LRR1: variants seen among roughly 807,000 people sequenced by gnomAD.
LRR1 encodes the protein leucine-rich repeat protein 1.
Under a neutral mutation model 31.6 loss-of-function variants are expected in LRR1, and 29 were observed. The ratio of observed to expected loss-of-function variants is 0.92; its 90% CI spans 0.68 to 1.25. The LOEUF is 1.25. Ranked by LOEUF, LRR1 falls within the 50% of genes most tolerant of loss-of-function variation. The pLI is 0.00. For missense variants in LRR1, 485 were observed against 487.2 expected, an observed-to-expected ratio of 1.00 and a Z score of 0.04; for synonymous variants, 179 against 181.4, an observed-to-expected ratio of 0.99 and a Z score of 0.10.
chr14:49,612,393 A>G (rs1566497947), intron 3 of LRR1: 5 of 1,029,650 alleles, frequency 4.9e-6, no homozygotes, highest in Non-Finnish European at 6.1e-6. Context: ...GTTATGATCT[A>G]TTAGGAAAAT....
chr14:49,605,882 A>G (rs765617821), intron 2 of LRR1, among the ~76,000 whole-genome samples: 69 of 152,166 alleles, frequency 4.5e-4, no homozygotes, highest in Non-Finnish European at 8.5e-4. Context: ...CCAAAATAGT[A>G]TTTAGTTCTT....
chr14:49,611,423 C>G (rs4900942), intron 3 of LRR1, among the ~76,000 whole-genome samples: 34,106 of 151,828 alleles, frequency 0.22, 4,133 homozygotes, highest in Admixed American at 0.31. Flanking sequence ...TGCAGTGAGC[C>G]GAGATGGCAC....
At chr14:49,604,775 C>CA (rs536663833) in intron 2 of LRR1, among the ~76,000 whole-genome samples, 17 of 151,976 alleles carry the variant, frequency 1.1e-4, no homozygotes, top group Admixed American at 9.8e-4. Flanking sequence ...CTTTCTCAAA[C>CA]AAAAAAAATT....
At chr14:49,609,144 C>T (rs1420577091) in intron 3 of LRR1, among the ~76,000 whole-genome samples, 1 of 149,656 alleles carries the variant, frequency 6.7e-6, no homozygotes, top group African/African-American at 2.5e-5. Context: ...GTCTCGATCT[C>T]CTGACCTCGT....
Position 49,603,710 on chromosome 14 carries a change from A to ATTTTTTTTTTTTTTTTTTTTTT in LRR1, c.282+1243_282+1244insTTTTTTTTTTTTTTTTTTTTTT, listed in dbSNP as rs1566493069. 3 of 132,724 alleles carry ATTTTTTTTTTTTTTTTTTTTTT rather than the reference A, an allele frequency of 2.3e-5. 1 individual carries two copies. Among genetic ancestry groups the ATTTTTTTTTTTTTTTTTTTTTT allele is most frequent in the Non-Finnish European group, 2.0e-5 (2 of 100,046 alleles). 8.2% of individuals were successfully genotyped at this position (132,724 alleles called of 1,614,324 possible). A position where few individuals can be genotyped will look rare whatever the true frequency, so the allele number is the denominator to read the frequency against. On this transcript the variant is annotated intron_variant, in intron 2 of 3. Transcript: ENST00000298288. ...TTTTTTTTTTTTTTTTTTTTTTTTAATGAGACAGAGTCTCTCCCTGTCACC... is the reference window on the plus strand; with the variant it reads ...TTTTTTTTTTTTTTTTTTTTTTTTAATTTTTTTTTTTTTTTTTTTTTTTGAGACAGAGTCTCTCCCTGTCACC...
intron 2 of LRR1, among the ~76,000 whole-genome samples, chr14:49,606,934 G>C (rs1176190677): frequency 6.6e-6 from 1 of 152,204 alleles, no homozygotes; most frequent in East Asian, 1.9e-4. Context: ...TGGGATTACA[G>C]GCGTGAGCCA....
intron 3 of LRR1, among the ~76,000 whole-genome samples, chr14:49,611,202 T>G (rs1377464528): frequency 6.6e-6 from 1 of 152,122 alleles, no homozygotes; most frequent in East Asian, 1.9e-4. Context: ...GAAGGCCAGG[T>G]GCGGTGGCTC....
chr14:49,604,300 G>T (rs1882204821), intron 2 of LRR1, among the ~76,000 whole-genome samples: 2 of 152,060 alleles, frequency 1.3e-5, no homozygotes. Context: ...GCCAGACCCT[G>T]TCTCAAACAA....
rs992411359 is a variant in LRR1, at chr14:49,600,784, A to C, written c.183+1581A>C. The stretch of plus-strand genomic sequence containing the variant: ...TATTAAGAATGTTCCTTAAAGATTT[A>C]AGAAGCAGTAAGCAGCATCTGAAGC... On this transcript the variant is annotated intron_variant, in intron 1 of 3. Coordinates refer to ENST00000298288, the MANE Select transcript of LRR1 (RefSeq NM_152329.4). 1.1e-5 allele frequency: 9 copies of C among 840,406 alleles called. No individual in the cohort carries two copies. The African/African-American group carries it at 1.6e-4, about 14-fold the overall frequency. 52.1% of individuals were successfully genotyped at this position (840,406 alleles called of 1,614,324 possible).
intron 3 of LRR1, among the ~76,000 whole-genome samples, chr14:49,613,338 CAA>C (rs71441233): frequency 1.0e-4 from 11 of 106,836 alleles, no homozygotes; most frequent in African/African-American, 1.1e-4. Context: ...GACTCCATCT[CAA>C]AAAAAAAAAA....
intron 3 of LRR1, chr14:49,612,508 G>A (rs895569174): frequency 2.4e-6 from 3 of 1,258,630 alleles, no homozygotes; most frequent in Admixed American, 2.6e-5. Context: ...TAAACATGTG[G>A]GAGACACTCC....
intron 1 of LRR1, among the ~76,000 whole-genome samples, chr14:49,599,764 A>G (rs1881968349): frequency 6.9e-6 from 1 of 145,736 alleles, no homozygotes; most frequent in African/African-American, 2.5e-5. Context: ...GGGCGCGGCG[A>G]CCGGGGCCGG....
intron 2 of LRR1, among the ~76,000 whole-genome samples, chr14:49,607,014 T>C (rs189911305): frequency 2.4e-3 from 369 of 151,936 alleles, no homozygotes; most frequent in African/African-American, 8.5e-3. Flanking sequence ...TATACTCTTA[T>C]GATTTCCCTT....
chr14:49,603,278 TTCTA>T (rs1235825968), intron 2 of LRR1, among the ~76,000 whole-genome samples: 1 of 152,140 alleles, frequency 6.6e-6, no homozygotes, highest in Non-Finnish European at 1.5e-5. Context: ...CTTGTGTGCC[TTCTA>T]AAAGGGCAAA....
Position 49,607,427 on chromosome 14 carries a change from C to A in LRR1, c.310C>A (p.Leu104Ile), listed in dbSNP as rs775907122. Residue 104 changes from leucine (L) to isoleucine (I), a missense_variant, in exon 3 of 4, where the codon CTT (leucine) becomes ATT (isoleucine). Physicochemically the swap from Leu to Ile is conservative, Grantham distance 5. This residue lies in a region of LRR1 where 260 missense variants were observed against 249.6 expected (regional missense o/e 1.04). Transcript: ENST00000298288. ...KAISSSLKGF[L>I]SAMRLAHRGC... ...CATTTCCAGCAGTTTAAAAGGTTTC[C>A]TTTCAGCTATGAGACTGGCTCATAG... 11 of 1,582,476 alleles carry A rather than the reference C, an allele frequency of 7.0e-6. No homozygotes were observed. In the South Asian group the frequency reaches 1.3e-4, roughly 18 times the overall value.
chr14:49,600,769 G>T (rs1290450669), intron 1 of LRR1: 4 of 885,656 alleles, frequency 4.5e-6, no homozygotes, highest in Non-Finnish European at 6.7e-6. Context: ...TATTAAGAAT[G>T]TTCCTTAAAG....
intron 2 of LRR1, among the ~76,000 whole-genome samples, chr14:49,603,901 C>T (rs1882185764): frequency 6.6e-6 from 1 of 150,380 alleles, no homozygotes; most frequent in African/African-American, 2.4e-5. Flanking sequence ...CCATGTTGGC[C>T]CGGCTGGTCT....
intron 2 of LRR1, among the ~76,000 whole-genome samples, chr14:49,602,929 G>A (rs750589307): frequency 3.3e-5 from 5 of 151,962 alleles, no homozygotes; most frequent in Non-Finnish European, 5.9e-5. Context: ...TCCATCTCCC[G>A]GGTTCAAACA....
chr14:49,602,423 C>T lies in LRR1; in HGVS notation c.237C>T (p.Ala79=). ...CCAAATTTGTAGATGAGGGGAAAGC[C>T]ACTGTTCGGTTAAAGGAGCCTCCTG... ...FFTKFVDEGK[A]TVRLKEPPVD... Residue 79 remains alanine, a synonymous_variant, in exon 2 of 4, where the codon GCC becomes GCT. Coordinates refer to ENST00000298288, the MANE Select transcript of LRR1 (RefSeq NM_152329.4). The T allele has an allele frequency of 1.2e-6, 2 of 1,613,854 alleles. No homozygotes were observed. The highest frequency in any genetic ancestry group is 1.7e-6 in the Non-Finnish European group (2 of 1,179,948).
Sources: allele counts gnomAD v4.1 joint callset (sites outside exome capture counted in the v4.1 genomes callset), GRCh38; gene constraint gnomAD v4.1.1; regional missense constraint gnomAD v4.1.1; transcripts MANE v1.5; gene names NCBI Gene and HGNC (gene_info 2026-07-23, HGNC 2026-07-21).